KCNIP4: variants seen among roughly 807,000 people sequenced by gnomAD.
KCNIP4 encodes the protein potassium voltage-gated channel interacting protein 4, also known as Kv channel-interacting protein 4.
In KCNIP4, 12 loss-of-function variants were observed where a neutral mutation model predicts 34.0. The ratio of observed to expected loss-of-function variants is 0.35; its 90% confidence interval spans 0.23 to 0.57. KCNIP4 has a LOEUF of 0.57. Ranked by LOEUF, KCNIP4 falls within the 20% of genes least tolerant of loss-of-function variation. The pLI is 0.83. For synonymous variants in KCNIP4, 124 were observed against 102.2 expected (o/e 1.21, Z -1.29); for missense variants, 238 against 311.7 (o/e 0.76, Z 1.78).
chr4:21,346,406 A>C (rs1236840553), intron 1 of KCNIP4, among the ~76,000 whole-genome samples: 1 of 147,730 alleles, frequency 6.8e-6, no homozygotes, highest in Non-Finnish European at 1.5e-5. Context: ...GGTACTCTTC[A>C]TATCATGAGT....
At chr4:21,473,487 T>C (rs1730638118) in intron 1 of KCNIP4, among the ~76,000 whole-genome samples, 1 of 152,184 alleles carries the variant, frequency 6.6e-6, no homozygotes, top group Non-Finnish European at 1.5e-5. Flanking sequence ...GTAAAAGAGT[T>C]TTTTTAAAAA....
In KCNIP4 at chr4:21,261,079, T is replaced by C. The variant is rs575391407; in HGVS notation, c.62-378370A>G. ...ATGATCCTAGAATTTAACAGCCGGT[T>C]TTGGAGTTCACTGTGTCTAATATTG... On this transcript the variant is annotated intron_variant, in intron 1 of 8. Coordinates refer to ENST00000382152, the MANE Select transcript of KCNIP4 (RefSeq NM_025221.6). Among the ~76,000 whole-genome samples, 6 of 152,268 alleles carry C rather than the reference T, an allele frequency of 3.9e-5. No individual in the cohort carries two copies. In the South Asian group the frequency reaches 1.2e-3, roughly 32 times the overall value.
chr4:21,654,241 C>A (rs1747739237), intron 1 of KCNIP4, among the ~76,000 whole-genome samples: 1 of 152,318 alleles, frequency 6.6e-6, no homozygotes, highest in Non-Finnish European at 1.5e-5. Context: ...CCAAACCACA[C>A]AGCCCTCAGA....
chr4:21,590,685 C>G lies in KCNIP4; in HGVS notation c.61+357886G>C, dbSNP rs1288935522. Among the ~76,000 whole-genome samples the G allele has an allele frequency of 5.9e-5, 9 of 151,894 alleles. 1 individual carries two copies. The highest frequency in any genetic ancestry group is 5.9e-4 in the Admixed American group (9 of 15,214). On this transcript the variant is annotated intron_variant, in intron 1 of 8. Coordinates refer to ENST00000382152, the MANE Select transcript of KCNIP4 (RefSeq NM_025221.6). ...TTTAATTGTATGGTGTATCATATCT[C>G]CTAAGTTTAATATGTGATCCCAATG...
At chr4:20,758,495 G>A (rs573889413) in intron 4 of KCNIP4, among the ~76,000 whole-genome samples, 1 of 152,230 alleles carries the variant, frequency 6.6e-6, no homozygotes, top group Non-Finnish European at 1.5e-5. Flanking sequence ...GGAGAATCAA[G>A]TGAGACCTAC....
At chr4:21,501,594 C>T (rs536092264) in intron 1 of KCNIP4, among the ~76,000 whole-genome samples, 4 of 151,898 alleles carry the variant, frequency 2.6e-5, no homozygotes, top group South Asian at 2.1e-4. Context: ...AAAGGTCTTT[C>T]GCAGTCTTCC....
At chr4:20,981,788 A>G (rs1736091517) in intron 1 of KCNIP4, among the ~76,000 whole-genome samples, 1 of 152,200 alleles carries the variant, frequency 6.6e-6, no homozygotes, top group South Asian at 2.1e-4. Context: ...TTGAATTAAA[A>G]GTTTCTCCAG....
chr4:21,004,662 C>T (rs1166349418), intron 1 of KCNIP4, among the ~76,000 whole-genome samples: 1 of 152,042 alleles, frequency 6.6e-6, no homozygotes, highest in Non-Finnish European at 1.5e-5. Flanking sequence ...GTGTCAAAAG[C>T]CAAAAATAAT....
chr4:21,773,965 T>G (rs187178897), intron 1 of KCNIP4, among the ~76,000 whole-genome samples: 1 of 152,096 alleles, frequency 6.6e-6, no homozygotes, highest in African/African-American at 2.4e-5. Context: ...TATGTGTGAA[T>G]TGGATCCTGA....
chr4:21,157,715 C>A (rs78497904), intron 1 of KCNIP4, among the ~76,000 whole-genome samples: 3,825 of 151,880 alleles, frequency 0.025, 183 homozygotes, highest in African/African-American at 0.086. Flanking sequence ...TATCTATGTT[C>A]GATAGCAAAA....
intron 1 of KCNIP4, among the ~76,000 whole-genome samples, chr4:21,399,036 CA>C (rs996408262): frequency 8.5e-5 from 13 of 152,228 alleles, no homozygotes; most frequent in Non-Finnish European, 1.6e-4. Context: ...CATAGTGTGG[CA>C]AAAGGGTTTT....
At chr4:20,824,292 CTAAAGT>C (rs775981235) in intron 3 of KCNIP4, among the ~76,000 whole-genome samples, 2 of 152,062 alleles carry the variant, frequency 1.3e-5, no homozygotes, top group Non-Finnish European at 2.9e-5. Flanking sequence ...AAATTGTATT[CTAAAGT>C]AAATTTAATT....
intron 1 of KCNIP4, among the ~76,000 whole-genome samples, chr4:21,853,771 G>A (rs1357834588): frequency 6.6e-6 from 1 of 152,174 alleles, no homozygotes; most frequent in Non-Finnish European, 1.5e-5. Context: ...AGAAAACAAG[G>A]TTAAGCATGA....
chr4:21,293,617 A>C (rs771829503), intron 1 of KCNIP4, among the ~76,000 whole-genome samples: 6 of 152,276 alleles, frequency 3.9e-5, no homozygotes, highest in African/African-American at 7.2e-5. Context: ...GTCTTATAGG[A>C]TTGGATCTTG....
At chr4:20,799,404 T>C (rs1430394761) in intron 3 of KCNIP4, among the ~76,000 whole-genome samples, 1 of 152,154 alleles carries the variant, frequency 6.6e-6, no homozygotes, top group Non-Finnish European at 1.5e-5. Context: ...GCAGCCCCAC[T>C]AACCCACATA....
At chr4:21,770,230 T>C (rs1410284368) in intron 1 of KCNIP4, among the ~76,000 whole-genome samples, 2 of 152,148 alleles carry the variant, frequency 1.3e-5, no homozygotes, top group Non-Finnish European at 2.9e-5. Flanking sequence ...TGGTTTTCCA[T>C]TCCTGTGTTA....
At chr4:21,045,860 T>A (rs182853922) in intron 1 of KCNIP4, among the ~76,000 whole-genome samples, 59 of 152,348 alleles carry the variant, frequency 3.9e-4, no homozygotes, top group African/African-American at 1.4e-3. Context: ...TCATGAATAA[T>A]GAAATATTCT....
At chr4:21,937,999 T>A (rs1328943997) in intron 1 of KCNIP4, among the ~76,000 whole-genome samples, 1 of 152,148 alleles carries the variant, frequency 6.6e-6, no homozygotes, top group Non-Finnish European at 1.5e-5. Context: ...ACTGTCCAGC[T>A]TCCCATCTCA....
intron 1 of KCNIP4, among the ~76,000 whole-genome samples, chr4:21,029,913 C>T (rs1384197925): frequency 1.3e-5 from 2 of 152,178 alleles, no homozygotes; most frequent in Non-Finnish European, 2.9e-5. Context: ...AAACCTTAGT[C>T]TCAATAGTTT....
Sources: gnomAD v4.1 joint callset for allele counts (sites outside exome capture counted in the v4.1 genomes callset) on GRCh38, gnomAD v4.1.1 for gene constraint, MANE v1.5 for transcripts, NCBI Gene and HGNC (gene_info 2026-07-23, HGNC 2026-07-21) for gene names.